The following PCDHGA8 variants were observed in gnomAD, a reference collection of about 807,000 sequenced individuals.
PCDHGA8 encodes the protein protocadherin gamma-A8.
In PCDHGA8, 45 loss-of-function variants were observed where a neutral mutation model predicts 59.2. That is an observed-to-expected ratio of 0.76 (90% CI 0.60 to 0.98). The LOEUF (loss-of-function observed/expected upper bound fraction) is 0.98. PCDHGA8 is among the 50% of genes least tolerant of loss of function. The pLI, the probability that PCDHGA8 is intolerant of heterozygous loss-of-function variation, is 0.00. For missense variants in PCDHGA8, 1,257 were observed against 1,196.2 expected (o/e 1.05, Z -0.75); for synonymous variants, 531 against 519.0 (o/e 1.02, Z -0.32).
At chr5:141,406,870 G>T (rs903338003) in intron 1 of PCDHGA8, among the ~76,000 whole-genome samples, 1 of 152,230 alleles carries the variant, frequency 6.6e-6, no homozygotes, top group Non-Finnish European at 1.5e-5. Flanking sequence ...CTCAGGAACT[G>T]CTGGGAAGAT....
chr5:141,397,805 A>G (rs1015155491), intron 1 of PCDHGA8, among the ~76,000 whole-genome samples: 1 of 152,236 alleles, frequency 6.6e-6, no homozygotes, highest in African/African-American at 2.4e-5. Flanking sequence ...TAAGTTAGGC[A>G]CACAAAAACA....
chr5:141,410,164 C>G (rs756470415), intron 1 of PCDHGA8: 8 of 1,613,642 alleles, frequency 5.0e-6, no homozygotes, highest in South Asian at 2.2e-5. Context: ...AGCCGCCACT[C>G]TCTGCCACCG....
At chr5:141,403,772 A>G in intron 1 of PCDHGA8, 1 of 1,613,960 alleles carries the variant, frequency 6.2e-7, no homozygotes, top group Middle Eastern at 1.7e-4. Flanking sequence ...TGAGGGAATC[A>G]ACGGAAAAGT....
chr5:141,447,299 C>A (rs543731556), intron 1 of PCDHGA8, among the ~76,000 whole-genome samples: 38 of 152,102 alleles, frequency 2.5e-4, no homozygotes, highest in Middle Eastern at 6.8e-3. Context: ...GCCACCACAC[C>A]CGGCTAATTT....
At chr5:141,418,895 GAA>G (rs746676640) in intron 1 of PCDHGA8, 1 of 1,613,998 alleles carries the variant, frequency 6.2e-7, no homozygotes, top group Admixed American at 1.7e-5. Flanking sequence ...CAACAGCCCA[GAA>G]ATAATCATCA....
At chr5:141,464,913 AT>A (rs1366203949) in intron 1 of PCDHGA8, among the ~76,000 whole-genome samples, 1 of 151,428 alleles carries the variant, frequency 6.6e-6, no homozygotes, top group Non-Finnish European at 1.5e-5. Context: ...TAATTTTTTT[AT>A]TTTTTTGTAG....
rs373882091 is a variant in PCDHGA8 at position 141,432,369 on chromosome 5, A to T, written c.2424+37132A>T. 1.2e-6 allele frequency: 2 copies of T among 1,614,104 alleles called. No homozygotes were observed. Among genetic ancestry groups the T allele is most frequent in the African/African-American group, 2.7e-5 (2 of 74,938 alleles). On this transcript the variant is annotated intron_variant, in intron 1 of 3. Transcript: ENST00000398604. The surrounding 1 kb of genome is among the most constrained non-coding windows in gnomAD (Gnocchi z 6.0). Reference sequence around the variant, plus strand: ...CAAGTGAAAGTGATGGCGCGGGACAACGGGCACCCGCCCCTCAGCAGCAAC... The same window carrying T: ...CAAGTGAAAGTGATGGCGCGGGACATCGGGCACCCGCCCCTCAGCAGCAAC...
chr5:141,400,928 G>T (rs1365073405), intron 1 of PCDHGA8, among the ~76,000 whole-genome samples: 1 of 152,154 alleles, frequency 6.6e-6, no homozygotes, highest in African/African-American at 2.4e-5. Flanking sequence ...ACTGCTAGTA[G>T]ATGTCTTTCT....
intron 1 of PCDHGA8, chr5:141,417,885 G>A (rs761442517): frequency 2.6e-6 from 4 of 1,562,806 alleles, no homozygotes; most frequent in Admixed American, 1.9e-5. Flanking sequence ...GCGCAGAGGC[G>A]CCGGGCCGGC....
At chr5:141,398,955 A>G in intron 1 of PCDHGA8, 6 of 1,613,966 alleles carry the variant, frequency 3.7e-6, no homozygotes, top group Non-Finnish European at 5.1e-6. Context: ...TCAACTCAGA[A>G]ATTACTTATT....
chr5:141,490,846 G>T lies in PCDHGA8; in HGVS notation c.2425-3961G>T. 1 of 1,613,880 alleles carries T rather than the reference G, an allele frequency of 6.2e-7. No individual in the cohort carries two copies. Among genetic ancestry groups the T allele is most frequent in the Non-Finnish European group, 8.5e-7 (1 of 1,179,906 alleles). ...GCAGATGCTGCAGATTGTGGTGGGG[G>T]TTCGAGACTCCGGCTCTCCCCCATT... On this transcript the variant is annotated intron_variant, in intron 1 of 3. Coordinates refer to ENST00000398604, the MANE Select transcript of PCDHGA8 (RefSeq NM_032088.2). This position sits in a 1 kb window ranked among gnomAD's most constrained non-coding sequence, Gnocchi z 5.4.
chr5:141,415,147 C>T (rs779194230), intron 1 of PCDHGA8: 17 of 1,613,668 alleles, frequency 1.1e-5, no homozygotes, highest in African/African-American at 1.3e-5. Context: ...CCAGCCCCCT[C>T]TCTCCGCCAC....
chr5:141,491,293 C>T lies in PCDHGA8; in HGVS notation c.2425-3514C>T. On this transcript the variant is annotated intron_variant, in intron 1 of 3. Transcript: ENST00000398604. This position sits in a 1 kb window ranked among gnomAD's most constrained non-coding sequence, Gnocchi z 6.9. Reference sequence around the variant, plus strand: ...ATCCAGTGACTTCCTCATACACCCTCCTGAGCGTTCAGACCTTACCCTTTA... The same window carrying T: ...ATCCAGTGACTTCCTCATACACCCTTCTGAGCGTTCAGACCTTACCCTTTA... 6.2e-7 allele frequency: 1 copy of T among 1,614,166 alleles called. No homozygotes were observed. The highest frequency in any genetic ancestry group is 1.3e-5 in the African/African-American group (1 of 75,058).
chr5:141,475,080 C>T (rs963278755), intron 1 of PCDHGA8, among the ~76,000 whole-genome samples: 3 of 152,128 alleles, frequency 2.0e-5, no homozygotes, highest in South Asian at 4.1e-4. Flanking sequence ...GCCATTATTT[C>T]AATAATTTTA....
At position 141,478,749 on chromosome 5, in the gene PCDHGA8, G is replaced by A. The variant is rs1306895064; in HGVS notation, c.2425-16058G>A. On this transcript the variant is annotated intron_variant, in intron 1 of 3. Coordinates refer to ENST00000398604, the MANE Select transcript of PCDHGA8 (RefSeq NM_032088.2). ...GAGTGTGGTTTGTGGTCCCATTTCA[G>A]GGGGAAGATACTTGACTCATCTGTG... The A allele has an allele frequency of 3.3e-6, 5 of 1,524,326 alleles. No homozygotes were observed. The South Asian group carries it at 6.4e-5, about 19-fold the overall frequency. The allele number at this position is 1,524,326 out of a possible 1,614,324, so 94.4% of individuals were successfully genotyped here.
chr5:141,478,121 G>T lies in PCDHGA8; in HGVS notation c.2425-16686G>T. On this transcript the variant is annotated intron_variant, in intron 1 of 3. Coordinates refer to ENST00000398604, the MANE Select transcript of PCDHGA8 (RefSeq NM_032088.2). ...TACCCTCACTGTGTCAGTAACCGAG[G>T]ACTCTCCTGAAGCCCGAGCCGAGTT... 2.5e-6 allele frequency: 4 copies of T among 1,614,036 alleles called. No individual in the cohort carries two copies. In the African/African-American group the frequency reaches 4.0e-5, roughly 16 times the overall value.
At position 141,485,010 on chromosome 5, in the gene PCDHGA8, C is replaced by T; in HGVS notation, c.2425-9797C>T. 1 of 629,958 alleles carries T rather than the reference C, an allele frequency of 1.6e-6. No homozygotes were observed. The highest frequency in any genetic ancestry group is 2.9e-6 in the Non-Finnish European group (1 of 350,608). 39.0% of individuals were successfully genotyped at this position (629,958 alleles called of 1,614,324 possible). On this transcript the variant is annotated intron_variant, in intron 1 of 3. Coordinates refer to ENST00000398604, the MANE Select transcript of PCDHGA8 (RefSeq NM_032088.2). This position sits in a 1 kb window ranked among gnomAD's most constrained non-coding sequence, Gnocchi z 5.7. ...GTGGTGAAAGGCAGACAAATCTACC[C>T]CGCCACCAGCAAAAACGGCGCGTAA...
chr5:141,419,809 A>G (rs1181621732), intron 1 of PCDHGA8: 2 of 1,613,916 alleles, frequency 1.2e-6, no homozygotes, highest in African/African-American at 2.7e-5. Flanking sequence ...GAGATGGAGG[A>G]CAGCCACCCC....
intron 1 of PCDHGA8, chr5:141,414,081 T>G: frequency 6.2e-7 from 1 of 1,601,774 alleles, no homozygotes; most frequent in Non-Finnish European, 8.5e-7. Context: ...ACAAATATAC[T>G]GGAGAAATAA....
Sources: gnomAD v4.1 joint callset for allele counts (sites outside exome capture counted in the v4.1 genomes callset) on GRCh38, gnomAD v4.1.1 for gene constraint, Gnocchi (gnomAD v3.1) non-coding constraint, MANE v1.5 for transcripts, NCBI Gene and HGNC (gene_info 2026-07-23, HGNC 2026-07-21) for gene names.